The following SYT14 variants were observed in gnomAD, a reference collection of about 807,000 sequenced individuals.
SYT14 encodes the protein synaptotagmin 14, also known as synaptotagmin-14.
A neutral mutation model predicts 74.2 loss-of-function variants in SYT14; 32 were observed. The ratio of observed to expected loss-of-function variants is 0.43; its 90% confidence interval spans 0.33 to 0.58. SYT14 has a LOEUF of 0.58. Among genes scored for constraint, SYT14 ranks in the 20% least tolerant of loss-of-function variants. The pLI, the probability that SYT14 is intolerant of heterozygous loss-of-function variation, is 0.05. For missense variants in SYT14, 791 were observed against 981.8 expected, an observed-to-expected ratio of 0.81 and a Z score of 2.60; for synonymous variants, 298 against 337.7, an observed-to-expected ratio of 0.88 and a Z score of 1.29.
At chr1:210,078,338 A>T (rs924287560) in intron 5 of SYT14, among the ~76,000 whole-genome samples, 1 of 134,706 alleles carries the variant, frequency 7.4e-6, no homozygotes, top group African/African-American at 2.8e-5. Context: ...AAAAAAAAAA[A>T]TGCATCTATT....
At chr1:210,022,414 T>C (rs2080323082) in intron 5 of SYT14, among the ~76,000 whole-genome samples, 1 of 152,218 alleles carries the variant, frequency 6.6e-6, no homozygotes, top group South Asian at 2.1e-4. Context: ...TACATTTTAG[T>C]ACTAGGGAAA....
intron 5 of SYT14, among the ~76,000 whole-genome samples, chr1:210,078,021 T>C (rs2081537067): frequency 6.6e-6 from 1 of 152,120 alleles, no homozygotes; most frequent in Admixed American, 6.5e-5. Flanking sequence ...CATAAAAATA[T>C]GCATCTAGGC....
At chr1:209,982,228 T>C (rs936005147) in intron 2 of SYT14, among the ~76,000 whole-genome samples, 1 of 152,158 alleles carries the variant, frequency 6.6e-6, no homozygotes, top group Non-Finnish European at 1.5e-5. Flanking sequence ...CCATCACAGC[T>C]CACTGCACCC....
At chr1:210,025,705 A>G (rs1301225107) in intron 5 of SYT14, among the ~76,000 whole-genome samples, 2 of 152,074 alleles carry the variant, frequency 1.3e-5, no homozygotes, top group African/African-American at 4.8e-5. Context: ...GAGTACTGCC[A>G]TTTATTGAGT....
intron 2 of SYT14, among the ~76,000 whole-genome samples, chr1:210,005,014 C>T (rs1434174827): frequency 6.6e-6 from 1 of 151,926 alleles, no homozygotes; most frequent in Non-Finnish European, 1.5e-5. Flanking sequence ...CTCTTGTCAT[C>T]ACTAACTGAA....
chr1:210,000,184 A>T (rs227187), intron 2 of SYT14, among the ~76,000 whole-genome samples: 6 of 151,878 alleles, frequency 4.0e-5, no homozygotes, highest in East Asian at 3.9e-4. Flanking sequence ...TCCCTATTTT[A>T]GTGTACAGTA....
intron 7 of SYT14, among the ~76,000 whole-genome samples, chr1:210,149,268 T>A (rs963161681): frequency 1.4e-5 from 2 of 139,196 alleles, no homozygotes. Context: ...CACTGCAACC[T>A]CCACCTCGCA....
At chr1:210,014,941 A>C (rs536416708) in intron 3 of SYT14, among the ~76,000 whole-genome samples, 12 of 152,124 alleles carry the variant, frequency 7.9e-5, no homozygotes, top group African/African-American at 2.9e-4. Context: ...ATATCTATTG[A>C]TATGTACCAT....
At chr1:210,112,201 G>T (rs1408868115) in intron 7 of SYT14, among the ~76,000 whole-genome samples, 1 of 151,246 alleles carries the variant, frequency 6.6e-6, no homozygotes, top group Non-Finnish European at 1.5e-5. Flanking sequence ...TTAGTTTCCT[G>T]ACTCAGGGCA....
intron 5 of SYT14, among the ~76,000 whole-genome samples, chr1:210,048,554 A>G (rs969619065): frequency 6.6e-6 from 1 of 152,144 alleles, no homozygotes; most frequent in Non-Finnish European, 1.5e-5. Context: ...ATGCACCCCC[A>G]TAATTCAGTC....
intron 1 of SYT14, among the ~76,000 whole-genome samples, chr1:209,938,484 C>T (rs949626245): frequency 2.0e-5 from 3 of 151,872 alleles, no homozygotes; most frequent in African/African-American, 7.2e-5. Flanking sequence ...GGCTCGCTCG[C>T]CCCGGCCTTC....
chr1:210,070,521 C>T (rs182740437), intron 5 of SYT14, among the ~76,000 whole-genome samples: 2 of 152,220 alleles, frequency 1.3e-5, no homozygotes, highest in Admixed American at 1.3e-4. Flanking sequence ...GGTTTCTGCT[C>T]TCCCTGTTCA....
In SYT14 at chr1:210,092,369, G is replaced by T. The variant is rs146149456; in HGVS notation, c.1313-1953G>T. ...AGGCGAAAGGCAAAGGGACAAAGGG[G>T]CATGCCAGTAGAGTCTACCTGCTTT... is the stretch of plus-strand genomic sequence containing the variant. On this transcript the variant is annotated intron_variant, in intron 5 of 9. Coordinates refer to ENST00000637265, the Ensembl canonical transcript of SYT14. 2.7e-3 allele frequency among the ~76,000 whole-genome samples: 416 copies of T among 152,290 alleles called. 2 individuals are homozygous for T. The highest frequency in any genetic ancestry group is 9.6e-3 in the African/African-American group (398 of 41,560).
chr1:209,949,550 C>A (rs988970462), intron 1 of SYT14, among the ~76,000 whole-genome samples: 1 of 144,388 alleles, frequency 6.9e-6, no homozygotes, highest in Non-Finnish European at 1.5e-5. Flanking sequence ...TCCAGCCTGG[C>A]GACAGAGTGA....
chr1:209,975,542 C>T (rs973193927), intron 2 of SYT14, among the ~76,000 whole-genome samples: 1 of 152,186 alleles, frequency 6.6e-6, no homozygotes, highest in Admixed American at 6.5e-5. Flanking sequence ...GCCTTGCATC[C>T]AGGGATGAAA....
intron 2 of SYT14, among the ~76,000 whole-genome samples, chr1:210,013,379 CTTTCT>C (rs1183796401): frequency 7.9e-5 from 12 of 152,140 alleles, no homozygotes; most frequent in African/African-American, 2.7e-4. Context: ...CGACTCCTGT[CTTTCT>C]TTTAAGATTG....
At chr1:210,158,357 G>A (rs1261289998) in intron 8 of SYT14, among the ~76,000 whole-genome samples, 5 of 152,202 alleles carry the variant, frequency 3.3e-5, no homozygotes, top group African/African-American at 7.2e-5. Flanking sequence ...CAGATTCACA[G>A]ATTGTTAGCA....
chr1:210,036,253 G>A (rs988693631), intron 5 of SYT14, among the ~76,000 whole-genome samples: 3 of 151,994 alleles, frequency 2.0e-5, no homozygotes, highest in Admixed American at 6.6e-5. Flanking sequence ...GTATAGAAAT[G>A]CTGCTGATTT....
chr1:210,153,216 T>C (rs12072279), intron 7 of SYT14, among the ~76,000 whole-genome samples: 3,205 of 152,308 alleles, frequency 0.021, 113 homozygotes, highest in African/African-American at 0.073. Flanking sequence ...AGAACTATGA[T>C]AGTTCCCAGT....
Sources: allele counts gnomAD v4.1 joint callset (sites outside exome capture counted in the v4.1 genomes callset), GRCh38; gene constraint gnomAD v4.1.1; transcripts MANE v1.5; gene names NCBI Gene and HGNC (gene_info 2026-07-23, HGNC 2026-07-21).